KIF21A: variants seen among roughly 807,000 people sequenced by gnomAD.
KIF21A encodes the protein kinesin-like protein KIF21A.
KIF21A carries 114 observed loss-of-function variants against 202.9 expected under a neutral mutation model. The ratio of observed to expected loss-of-function variants is 0.56; its 90% confidence interval spans 0.48 to 0.66. KIF21A has a LOEUF of 0.66. KIF21A is among the 30% of genes least tolerant of loss of function. The probability of loss-of-function intolerance (pLI) is 0.00; values close to 1 mark genes in which losing one functional copy is unlikely to be tolerated. For synonymous variants in KIF21A, 667 were observed against 670.8 expected, an observed-to-expected ratio of 0.99 and a Z score of 0.09; for missense variants, 1,677 against 1,994.9, an observed-to-expected ratio of 0.84 and a Z score of 3.04.
In KIF21A at chr12:39,330,228, C is replaced by G. The variant is rs1946393345; in HGVS notation, c.3340+14G>C. The stretch of plus-strand genomic sequence containing the variant: ...ATGCAGCTGTAGGATACACAGAAAG[C>G]TAAACATACTTACCTAATGGTACGC... On this transcript the variant is annotated intron_variant, in intron 24 of 37. Coordinates refer to ENST00000361418, the MANE Select transcript of KIF21A (RefSeq NM_001173464.2). 1 of 1,609,316 alleles carries G rather than the reference C, an allele frequency of 6.2e-7. No homozygotes were observed. The highest frequency in any genetic ancestry group is 8.5e-7 in the Non-Finnish European group (1 of 1,175,898).
rs988765183 is a variant in KIF21A at position 39,440,174 on chromosome 12, A to T, written c.44+2753T>A. Reference sequence around the variant, plus strand: ...GTTCTATCTTTTCTAGCAATATCAAAATATGAATAACCTGTGAAAGCCACT... The same window carrying T: ...GTTCTATCTTTTCTAGCAATATCAATATATGAATAACCTGTGAAAGCCACT... On this transcript the variant is annotated intron_variant, in intron 1 of 37. Transcript: ENST00000361418. Among the ~76,000 whole-genome samples, 6 of 152,340 alleles carry T rather than the reference A, an allele frequency of 3.9e-5. No homozygotes were observed. In the South Asian group the frequency reaches 1.2e-3, roughly 32 times the overall value.
chr12:39,358,002 A>G (rs1332095885), intron 8 of KIF21A, among the ~76,000 whole-genome samples, 176 bp downstream of exon 8: 1 of 151,006 alleles, frequency 6.6e-6, no homozygotes, highest in Non-Finnish European at 1.5e-5. Flanking sequence ...GTTAGACTGA[A>G]CATAGTTAAA....
At chr12:39,314,587 T>A (rs75901902) in intron 31 of KIF21A, among the ~76,000 whole-genome samples, 1 of 151,858 alleles carries the variant, frequency 6.6e-6, no homozygotes, top group Non-Finnish European at 1.5e-5. Flanking sequence ...CTATTTTCAA[T>A]GTGCATTTAA....
At chr12:39,438,607 A>C (rs1297265026) in intron 1 of KIF21A, among the ~76,000 whole-genome samples, 1 of 152,176 alleles carries the variant, frequency 6.6e-6, no homozygotes, top group Non-Finnish European at 1.5e-5. Flanking sequence ...AACATAAATT[A>C]GACCACATTA....
At chr12:39,394,054 C>G (rs1444024272) in intron 1 of KIF21A, among the ~76,000 whole-genome samples, 1 of 152,206 alleles carries the variant, frequency 6.6e-6, no homozygotes, top group Non-Finnish European at 1.5e-5. Context: ...ATCTATACTA[C>G]TAAACCAATC....
At position 39,381,576 on chromosome 12, in the gene KIF21A, T is replaced by C. The variant is rs551266872; in HGVS notation, c.45-11315A>G. ...TTTACCATCAAGGAAAAAAAACTCC[T>C]ACCACAAACATTAAAATAAGCCATA... On this transcript the variant is annotated intron_variant, in intron 1 of 37. Coordinates refer to ENST00000361418, the MANE Select transcript of KIF21A (RefSeq NM_001173464.2). 1.5e-4 allele frequency among the ~76,000 whole-genome samples: 23 copies of C among 152,262 alleles called. No individual in the cohort carries two copies. The East Asian group carries it at 4.4e-3, about 29-fold the overall frequency.
At chr12:39,352,054 A>G in intron 10 of KIF21A, 74 bp from the exon 11 acceptor site, 1 of 1,056,062 alleles carries the variant, frequency 9.5e-7, no homozygotes, top group African/African-American at 1.6e-5. Context: ...AAAGTGTACC[A>G]CACTACCATT....
At position 39,294,517 on chromosome 12, in the gene KIF21A, A is replaced by G; in HGVS notation, c.4932T>C (p.Asp1644=). ...CCTTCCAAATTCTCACAGTTCGATC[A>G]CTACAAAAAAATAAACAAAACATGG... ...VNSTHIFTAA[D]DRTVRIWKAR... is the part of the protein sequence containing the mutation. The change falls in exon 38 of 38, where the codon GAT becomes GAC. Residue 1644 remains aspartate (D), a splice_region_variant and synonymous_variant. Coordinates refer to ENST00000361418, the MANE Select transcript of KIF21A (RefSeq NM_001173464.2). 6.2e-7 allele frequency: 1 copy of G among 1,612,002 alleles called. No homozygotes were observed. The highest frequency in any genetic ancestry group is 8.5e-7 in the Non-Finnish European group (1 of 1,178,244).
intron 7 of KIF21A, among the ~76,000 whole-genome samples, chr12:39,361,006 C>T (rs577483808): frequency 6.6e-6 from 1 of 152,032 alleles, no homozygotes; most frequent in Non-Finnish European, 1.5e-5. Flanking sequence ...TTGAGGCACA[C>T]GAAGAAAGGA....
At chr12:39,382,453 G>A (rs1410413228) in intron 1 of KIF21A, among the ~76,000 whole-genome samples, 3 of 152,022 alleles carry the variant, frequency 2.0e-5, no homozygotes, top group African/African-American at 7.2e-5. Context: ...TAATCTGGTT[G>A]CCAATAAAAT....
At position 39,294,501 on chromosome 12, in the gene KIF21A, T is replaced by A; in HGVS notation, c.4948A>T (p.Ile1650Phe). 1.2e-6 allele frequency: 2 copies of A among 1,613,546 alleles called. No individual in the cohort carries two copies. The highest frequency in any genetic ancestry group is 1.7e-6 in the Non-Finnish European group (2 of 1,179,608). Reference sequence around the variant, plus strand: ...TCTTGCAAATTGCGAGCCTTCCAAATTCTCACAGTTCGATCACTACAAAAA... The same window carrying A: ...TCTTGCAAATTGCGAGCCTTCCAAAATCTCACAGTTCGATCACTACAAAAA... Reference protein sequence around the residue: ...FTAADDRTVRIWKARNLQDGQ... With the variant: ...FTAADDRTVRFWKARNLQDGQ... The change falls in exon 38 of 38, where the codon ATT (isoleucine) becomes TTT (phenylalanine). Residue 1650 changes from isoleucine to phenylalanine, a missense_variant. Physicochemically the swap from Ile to Phe is conservative, Grantham distance 21. Transcript: ENST00000361418.
Position 39,353,456 on chromosome 12 carries a change from T to G in KIF21A, c.1470-1476A>C, listed in dbSNP as rs1948548410. ...GTTAATTAAATGACTTCAAAAATGT[T>G]TTAGAGAAAATTCATATAAAAACTC... On this transcript the variant is annotated intron_variant, in intron 10 of 37. Coordinates refer to ENST00000361418, the MANE Select transcript of KIF21A (RefSeq NM_001173464.2). Among the ~76,000 whole-genome samples the G allele has an allele frequency of 2.6e-5, 4 of 152,278 alleles. No homozygotes were observed. The South Asian group carries it at 8.3e-4, about 32-fold the overall frequency.
At chr12:39,431,170 A>C (rs1435173895) in intron 1 of KIF21A, among the ~76,000 whole-genome samples, 3 of 152,168 alleles carry the variant, frequency 2.0e-5, no homozygotes, top group Non-Finnish European at 4.4e-5. Flanking sequence ...GAAGTGAAGT[A>C]ATGTCCAGAG....
intron 1 of KIF21A, among the ~76,000 whole-genome samples, chr12:39,393,809 C>T (rs562556597): frequency 6.6e-6 from 1 of 152,312 alleles, no homozygotes; most frequent in South Asian, 2.1e-4. Flanking sequence ...AGGTTAATAA[C>T]ATGACATGAA....
intron 1 of KIF21A, among the ~76,000 whole-genome samples, chr12:39,432,905 G>A (rs1938154399): frequency 6.6e-6 from 1 of 151,928 alleles, no homozygotes; most frequent in Non-Finnish European, 1.5e-5. Context: ...GCCACCACAC[G>A]ACGACCAAGA....
chr12:39,356,957 A>C (rs891217485), intron 9 of KIF21A, 62 bp from the exon 10 acceptor site: 2 of 797,794 alleles, frequency 2.5e-6, no homozygotes, highest in Admixed American at 2.3e-5. Flanking sequence ...AAAACAGGAG[A>C]AAAAAAAAGT....
At chr12:39,332,486 C>T (rs1946594455) in intron 20 of KIF21A, 78 bp from the exon 21 acceptor site, 1 of 1,506,934 alleles carries the variant, frequency 6.6e-7, no homozygotes. Flanking sequence ...CCCCCACCCC[C>T]CAAAAAAAAC....
intron 7 of KIF21A, among the ~76,000 whole-genome samples, chr12:39,361,014 G>T (rs1296268612): frequency 6.6e-6 from 1 of 152,310 alleles, no homozygotes; most frequent in Middle Eastern, 3.4e-3. Flanking sequence ...CACGAAGAAA[G>T]GAATTAGAAG....
chr12:39,412,352 C>G (rs1172308414), intron 1 of KIF21A, among the ~76,000 whole-genome samples: 1 of 151,942 alleles, frequency 6.6e-6, no homozygotes, highest in Admixed American at 6.6e-5. Context: ...GAATAATGAC[C>G]CATGATGAAT....
Sources: allele counts gnomAD v4.1 joint callset (sites outside exome capture counted in the v4.1 genomes callset), GRCh38; gene constraint gnomAD v4.1.1; transcripts MANE v1.5; gene names NCBI Gene and HGNC (gene_info 2026-07-23, HGNC 2026-07-21).